SYN3: variants seen among roughly 807,000 people sequenced by gnomAD.
The protein encoded by SYN3 is synapsin-3.
A neutral mutation model predicts 65.8 loss-of-function variants in SYN3; 35 were observed. The ratio of observed to expected loss-of-function variants is 0.53; its 90% CI spans 0.41 to 0.70. The LOEUF is 0.70. Ranked by LOEUF, SYN3 falls within the 30% of genes least tolerant of loss-of-function variation. SYN3 has a pLI of 0.00. For missense variants in SYN3, 680 were observed against 749.0 expected, an observed-to-expected ratio of 0.91 and a Z score of 1.08; for synonymous variants, 270 against 292.9, an observed-to-expected ratio of 0.92 and a Z score of 0.80.
intron 6 of SYN3, among the ~76,000 whole-genome samples, chr22:32,844,581 C>G (rs560840404): frequency 3.3e-5 from 5 of 152,256 alleles, no homozygotes; most frequent in Non-Finnish European, 7.4e-5. Context: ...TTCAAGAGGG[C>G]CCCATATATA....
At chr22:33,015,840 C>CTTTTTTTTTTT (rs758927603) in intron 1 of SYN3, among the ~76,000 whole-genome samples, 3 of 139,982 alleles carry the variant, frequency 2.1e-5, no homozygotes, top group South Asian at 2.2e-4. Context: ...GGCAAATTTT[C>CTTTTTTTTTTT]TTTTCTTTTT....
chr22:32,562,761 C>G lies in SYN3; in HGVS notation c.775-21048G>C, dbSNP rs544383226. Among the ~76,000 whole-genome samples the G allele has an allele frequency of 8.5e-5, 13 of 152,378 alleles. No individual in the cohort carries two copies. The East Asian group carries it at 2.5e-3, about 29-fold the overall frequency. On this transcript the variant is annotated intron_variant, in intron 7 of 13. Coordinates refer to ENST00000358763, the MANE Select transcript of SYN3 (RefSeq NM_003490.4). Reference sequence around the variant, plus strand: ...AAGCAGATGCTTGGCCTAAGCCCTGCTTATTATTTCAATCTTATATGGACA... The same window carrying G: ...AAGCAGATGCTTGGCCTAAGCCCTGGTTATTATTTCAATCTTATATGGACA...
chr22:32,975,430 C>T (rs2052156864), intron 3 of SYN3, among the ~76,000 whole-genome samples: 1 of 151,160 alleles, frequency 6.6e-6, no homozygotes, highest in African/African-American at 2.4e-5. Context: ...AGTTTTTGAA[C>T]TCAGCCCATC....
chr22:32,750,249 C>T (rs566850781), intron 6 of SYN3, among the ~76,000 whole-genome samples: 1 of 152,304 alleles, frequency 6.6e-6, no homozygotes, highest in South Asian at 2.1e-4. Context: ...CAAGTTTCAA[C>T]AGTGCAGCCA....
chr22:32,645,791 A>G (rs949337949), intron 6 of SYN3, among the ~76,000 whole-genome samples: 66 of 151,856 alleles, frequency 4.3e-4, no homozygotes, highest in Admixed American at 2.2e-3. Flanking sequence ...CAGATTTGGG[A>G]GAAATACGGT....
intron 2 of SYN3, among the ~76,000 whole-genome samples, chr22:32,986,062 A>C (rs2052517226): frequency 6.6e-6 from 1 of 152,062 alleles, no homozygotes; most frequent in African/African-American, 2.4e-5. Context: ...AGCTCCTGGA[A>C]ACCAGAAACT....
In SYN3 at chr22:32,510,984, C is replaced by CGT. The variant is rs111308299; in HGVS notation, c.*2706_*2707dup. 0.031 allele frequency among the ~76,000 whole-genome samples: 4,365 copies of CGT among 142,988 alleles called. 70 individuals carry two copies. Among genetic ancestry groups the CGT allele is most frequent in the East Asian group, 0.066 (323 of 4,880 alleles). 93.8% of individuals were successfully genotyped at this position (142,988 alleles called of 152,430 possible). On this transcript the variant is annotated 3_prime_UTR_variant, in exon 14 of 14. Coordinates refer to ENST00000358763, the MANE Select transcript of SYN3 (RefSeq NM_003490.4). ...TGTCAATTCCAAGTTATTGTCCAGG[C>CGT]GTGTGTGTGTGTGTGTGTGTGTGTG...
chr22:32,813,986 G>C (rs1442191986), intron 6 of SYN3, among the ~76,000 whole-genome samples: 1 of 152,040 alleles, frequency 6.6e-6, no homozygotes, highest in Non-Finnish European at 1.5e-5. Context: ...CCTCCCCTTA[G>C]ATGGGAGCCA....
intron 1 of SYN3, among the ~76,000 whole-genome samples, chr22:33,053,221 G>C (rs1055870368): frequency 6.6e-6 from 1 of 152,170 alleles, no homozygotes; most frequent in Non-Finnish European, 1.5e-5. Flanking sequence ...TCAGGAGTTC[G>C]AGACCAGCCT....
At chr22:32,946,050 T>G (rs1307754125) in intron 3 of SYN3, among the ~76,000 whole-genome samples, 1 of 151,552 alleles carries the variant, frequency 6.6e-6, no homozygotes, top group Non-Finnish European at 1.5e-5. Flanking sequence ...CAACAGGTGC[T>G]GGAGAGGATG....
intron 3 of SYN3, among the ~76,000 whole-genome samples, chr22:32,936,424 G>A (rs1284916945): frequency 6.6e-6 from 1 of 152,202 alleles, no homozygotes; most frequent in East Asian, 1.9e-4. Flanking sequence ...TGAAGTTCAG[G>A]GTAGCCATGG....
At chr22:32,786,018 G>GAAGA (rs1055014600) in intron 6 of SYN3, among the ~76,000 whole-genome samples, 4 of 134,748 alleles carry the variant, frequency 3.0e-5, no homozygotes, top group African/African-American at 1.1e-4. Context: ...AGAAGAAGAA[G>GAAGA]AAAAAAAAAA....
rs130292 is a variant in SYN3, at chr22:32,825,657, C to CAAAAAAAA, written c.711+39250_711+39257dup. Among the ~76,000 whole-genome samples, 9 of 28,594 alleles carry CAAAAAAAA rather than the reference C, an allele frequency of 3.1e-4. 3 individuals carry two copies. Among genetic ancestry groups the CAAAAAAAA allele is most frequent in the South Asian group, 4.6e-3 (2 of 436 alleles). 18.8% of individuals were successfully genotyped at this position (28,594 alleles called of 152,430 possible). On this transcript the variant is annotated intron_variant, in intron 6 of 13. Coordinates refer to ENST00000358763, the MANE Select transcript of SYN3 (RefSeq NM_003490.4). ...TGGGCGACAGAGCGAGTTTCCATCT[C>CAAAAAAAA]AAAAAAAAAAAAAAAAAAAAAAAAA...
chr22:32,587,506 A>C (rs1352685203), intron 7 of SYN3, among the ~76,000 whole-genome samples: 1 of 152,090 alleles, frequency 6.6e-6, no homozygotes, highest in Non-Finnish European at 1.5e-5. Context: ...GCTGTCTCCC[A>C]GTTGCGGGGA....
At chr22:32,980,052 T>C (rs2145646982) in intron 3 of SYN3, among the ~76,000 whole-genome samples, 1 of 152,214 alleles carries the variant, frequency 6.6e-6, no homozygotes, top group South Asian at 2.1e-4. Flanking sequence ...TACACAGCCC[T>C]AAAAAAATCT....
At chr22:32,930,743 T>C (rs2050604402) in intron 4 of SYN3, among the ~76,000 whole-genome samples, 2 of 152,200 alleles carry the variant, frequency 1.3e-5, no homozygotes, top group South Asian at 4.1e-4. Flanking sequence ...GTTCTCTGGG[T>C]ACTTAACTAG....
intron 6 of SYN3, among the ~76,000 whole-genome samples, chr22:32,717,053 T>C (rs1199259609): frequency 6.6e-6 from 1 of 152,198 alleles, no homozygotes; most frequent in Non-Finnish European, 1.5e-5. Context: ...CCTTGGGTCC[T>C]AGGCAGTCTT....
rs374818323 is a variant in SYN3 at position 32,508,184 on chromosome 22, C to T, written c.*5508G>A. On this transcript the variant is annotated 3_prime_UTR_variant, in exon 14 of 14. Transcript: ENST00000358763. ...CAAAAGAAGTGAAAAGGCCCTGCCC[C>T]GCCTTAACTGATGACATTCCACCAT... 1.2e-3 allele frequency among the ~76,000 whole-genome samples: 188 copies of T among 152,256 alleles called. No individual in the cohort carries two copies. The highest frequency in any genetic ancestry group is 3.7e-3 in the African/African-American group (153 of 41,562).
intron 6 of SYN3, among the ~76,000 whole-genome samples, chr22:32,840,621 C>G (rs1280576713): frequency 1.3e-5 from 2 of 152,056 alleles, no homozygotes; most frequent in Non-Finnish European, 2.9e-5. Context: ...TCACTTCCAG[C>G]TGCTCTCCTT....
Sources: gnomAD v4.1 joint callset for allele counts (sites outside exome capture counted in the v4.1 genomes callset) on GRCh38, gnomAD v4.1.1 for gene constraint, MANE v1.5 for transcripts, NCBI Gene and HGNC (gene_info 2026-07-23, HGNC 2026-07-21) for gene names.